Variants in IAH1 observed in about 807,000 individuals in gnomAD.
IAH1 encodes the protein isoamyl acetate-hydrolyzing esterase 1 homolog.
Under a neutral mutation model 26.7 loss-of-function variants are expected in IAH1, and 24 were observed. That is an observed-to-expected ratio of 0.90 (90% CI 0.65 to 1.26). IAH1 has a LOEUF of 1.26. Ranked by LOEUF, IAH1 falls within the 50% of genes most tolerant of loss-of-function variation. The pLI is 0.00. For missense variants in IAH1, 300 were observed against 299.9 expected, an observed-to-expected ratio of 1.00 and a Z score of 0.00; for synonymous variants, 140 against 118.5, an observed-to-expected ratio of 1.18 and a Z score of -1.18.
intron 1 of IAH1, chr2:9,475,647 T>C: frequency 3.1e-6 from 1 of 327,658 alleles, no homozygotes; most frequent in South Asian, 3.1e-5. Context: ...ATTATAGACG[T>C]GCGCCACCAC....
downstream of IAH1, among the ~76,000 whole-genome samples, chr2:9,497,690 C>T (rs1050247946): frequency 2.0e-5 from 3 of 152,196 alleles, no homozygotes; most frequent in Non-Finnish European, 4.4e-5. Context: ...TCAATATTAA[C>T]AGATACTATT....
At chr2:9,505,120 T>A in the IAH1 span, 2 of 1,598,384 alleles carry the variant, frequency 1.3e-6, no homozygotes, top group Admixed American at 3.4e-5. Context: ...ATTTTGGACA[T>A]CTTGTTATAC....
chr2:9,480,354 C>T (rs1661096716), intron 3 of IAH1, among the ~76,000 whole-genome samples: 1 of 152,060 alleles, frequency 6.6e-6, no homozygotes, highest in Admixed American at 6.6e-5. Context: ...ACAAAGTTTG[C>T]CTAGTGTGGT....
At chr2:9,507,865 T>C in the IAH1 span, among the ~76,000 whole-genome samples, 4 of 152,100 alleles carry the variant, frequency 2.6e-5, no homozygotes, top group Non-Finnish European at 4.4e-5. Flanking sequence ...AGCATGTGCT[T>C]CTATGCCCAG....
downstream of IAH1, chr2:9,490,254 C>T: frequency 1.2e-6 from 2 of 1,613,010 alleles, 1 homozygote; most frequent in Middle Eastern, 3.3e-4. Context: ...CTTCTGGTGA[C>T]CGGATGGTCC....
intron 6 of IAH1, chr2:9,496,225 T>A (rs1376220823): frequency 6.6e-6 from 1 of 151,982 alleles, no homozygotes; most frequent in Non-Finnish European, 1.5e-5. Flanking sequence ...GCCCCCTGGG[T>A]TCAAGCAATT....
the IAH1 span, among the ~76,000 whole-genome samples, chr2:9,506,359 GTTTTTTTTTTTTTTTTT>G: frequency 6.8e-5 from 5 of 73,208 alleles, no homozygotes; most frequent in African/African-American, 2.8e-4. Flanking sequence ...CTTCAAATCT[GTTTTTTTTTTTTTTTTT>G]TTTTTTTTTT....
At chr2:9,490,108 G>GTGAT, downstream of IAH1, 1 of 1,349,460 alleles carries the variant, frequency 7.4e-7, no homozygotes, top group South Asian at 1.4e-5. Flanking sequence ...AATACAAGCT[G>GTGAT]TGATTGATTT....
At chr2:9,505,041 A>G in the IAH1 span, 13 of 1,043,220 alleles carry the variant, frequency 1.2e-5, no homozygotes, top group South Asian at 1.7e-4. Flanking sequence ...CAAAAGAGGT[A>G]GATGTAAACA....
downstream of IAH1, among the ~76,000 whole-genome samples, chr2:9,494,422 C>G (rs1238066828): frequency 6.6e-6 from 1 of 152,186 alleles, no homozygotes; most frequent in Non-Finnish European, 1.5e-5. Context: ...TTCTCAGTCT[C>G]TGGGCTCAAA....
intron 3 of IAH1, 32 bp downstream of exon 3, chr2:9,478,402 CTT>C (rs1558476305): frequency 3.2e-6 from 5 of 1,542,340 alleles, no homozygotes; most frequent in Non-Finnish European, 4.4e-6. Context: ...TTCTAGCTCA[CTT>C]TTAATCATTT....
chr2:9,475,407 CCAG>C (rs1322812494), intron 1 of IAH1, among the ~76,000 whole-genome samples: 1 of 151,834 alleles, frequency 6.6e-6, no homozygotes, highest in Non-Finnish European at 1.5e-5. Context: ...AGCTCGGTAA[CCAG>C]CAAAGCAGTG....
At chr2:9,481,485 G>GT in intron 4 of IAH1, 38 bp downstream of exon 4, 1 of 1,604,670 alleles carries the variant, frequency 6.2e-7, no homozygotes, top group South Asian at 1.1e-5. Context: ...AATCTGGATA[G>GT]GAATGCTGAG....
chr2:9,480,903 G>A (rs1661130748), intron 3 of IAH1: 1 of 165,870 alleles, frequency 6.0e-6, no homozygotes, highest in Non-Finnish European at 1.3e-5. Context: ...TTCCCAATGA[G>A]GTACAGAAAG....
chr2:9,476,159 C>G, intron 2 of IAH1, 120 bp downstream of exon 2: 1 of 805,400 alleles, frequency 1.2e-6, no homozygotes, highest in Admixed American at 2.2e-5. Context: ...GCTTGCCTCC[C>G]CTAATCAGTA....
chr2:9,511,069 G>A, the IAH1 span, among the ~76,000 whole-genome samples: 1 of 152,066 alleles, frequency 6.6e-6, no homozygotes, highest in African/African-American at 2.4e-5. Context: ...TAATTGTCCA[G>A]CCTCCTCACA....
chr2:9,474,546 C>G, upstream of IAH1: 1 of 1,435,510 alleles, frequency 7.0e-7, no homozygotes, highest in South Asian at 1.3e-5. The surrounding 1 kb of genome is among the most constrained non-coding windows in gnomAD (Gnocchi z 4.3). Context: ...GCGGCCCCGC[C>G]CCGCCCCGCC....
chr2:9,509,768 T>C, the IAH1 span, among the ~76,000 whole-genome samples: 1 of 152,160 alleles, frequency 6.6e-6, no homozygotes, highest in Non-Finnish European at 1.5e-5. Flanking sequence ...ACCATTAAGC[T>C]TGACAACAAA....
intron 4 of IAH1, 40 bp from the exon 5 acceptor site, chr2:9,484,392 G>C (rs1262902186): frequency 6.8e-7 from 1 of 1,473,736 alleles, no homozygotes. Flanking sequence ...GCCAGCACTT[G>C]GGTTTACCAA....
Sources: allele counts gnomAD v4.1 joint callset (sites outside exome capture counted in the v4.1 genomes callset), GRCh38; gene constraint gnomAD v4.1.1; non-coding constraint Gnocchi (gnomAD v3.1); transcripts MANE v1.5; gene names NCBI Gene and HGNC (gene_info 2026-07-23, HGNC 2026-07-21).